The following RGL2 variants were observed in gnomAD, a reference collection of about 807,000 sequenced individuals.
RGL2 encodes the protein ral guanine nucleotide dissociation stimulator like 2.
In RGL2, 40 loss-of-function variants were observed where a neutral mutation model predicts 84.6. The observed-to-expected ratio is 0.47, with a 90% CI of 0.37 to 0.62. The LOEUF is 0.62. Ranked by LOEUF, RGL2 falls within the 20% of genes least tolerant of loss-of-function variation. RGL2 has a pLI of 0.00. For synonymous variants in RGL2, 369 were observed against 417.3 expected, an observed-to-expected ratio of 0.88 and a Z score of 1.41; for missense variants, 865 against 1,019.7, an observed-to-expected ratio of 0.85 and a Z score of 2.07.
chr6:33,301,590 G>T, upstream of RGL2: 9 of 558,012 alleles, frequency 1.6e-5, no homozygotes, highest in East Asian at 3.0e-5. Context: ...AAAAAAAAAA[G>T]AAAAATTATC....
rs1767423766 is a variant in RGL2 at position 33,291,883 on chromosome 6, G to A, written c.*219C>T. 1.7e-6 allele frequency: 1 copy of A among 605,426 alleles called. No individual in the cohort carries two copies. Among genetic ancestry groups the A allele is most frequent in the Non-Finnish European group, 2.9e-6 (1 of 340,938 alleles). The allele number at this position is 605,426 out of a possible 1,614,324, so 37.5% of individuals were successfully genotyped here. The stretch of plus-strand genomic sequence containing the variant: ...CTGTGTGCTGCACTCATGGAAGGTG[G>A]GAAGCTATACACAGGTATCCAACTT... On this transcript the variant is annotated 3_prime_UTR_variant, in exon 18 of 18. Transcript: ENST00000497454.
Position 33,293,746 on chromosome 6 carries a change from C to T in RGL2, c.1509-47G>A. On this transcript the variant is annotated intron_variant, in intron 13 of 17. Transcript: ENST00000497454. The surrounding 1 kb of genome is among the most constrained non-coding windows in gnomAD (Gnocchi z 7.0). ...CAGAGCTCAGGACATGACACCAATC[C>T]CCCACACCTGGCCAGAACCCTGGAG... The T allele has an allele frequency of 6.2e-7, 1 of 1,613,152 alleles. No individual in the cohort carries two copies. Among genetic ancestry groups the T allele is most frequent in the East Asian group, 2.2e-5 (1 of 44,874 alleles).
rs1768216460 is a variant in RGL2, at chr6:33,298,371, G to T, written c.156+84C>A. ...GCGAGAATAACTGAGGCAAGGAGGA[G>T]GAGATGTAGGGACCCAGAGACAAGA... On this transcript the variant is annotated intron_variant, in intron 2 of 17. Coordinates refer to ENST00000497454, the MANE Select transcript of RGL2 (RefSeq NM_004761.5). The surrounding 1 kb of genome is among the most constrained non-coding windows in gnomAD (Gnocchi z 4.8). 2 of 717,380 alleles carry T rather than the reference G, an allele frequency of 2.8e-6. No individual in the cohort carries two copies. Among genetic ancestry groups the T allele is most frequent in the Admixed American group, 3.2e-5 (1 of 30,828 alleles). 44.4% of individuals were successfully genotyped at this position (717,380 alleles called of 1,614,324 possible).
rs777188527 is a variant in RGL2, at chr6:33,293,168, A to G, written c.1855T>C (p.Ser619Pro). 6.2e-7 allele frequency: 1 copy of G among 1,606,712 alleles called. No homozygotes were observed. Among genetic ancestry groups the G allele is most frequent in the Non-Finnish European group, 8.5e-7 (1 of 1,176,730 alleles). ...CCCCCACTCAGCGGGGAGCCACAGG[A>G]GGCTGAGCGGCGGTGACCTCGAGAA... ...RPSRGHRRSA[S>P]CGSPLSGGAE... The change falls in exon 16 of 18, where the codon TCC becomes CCC. Residue 619 changes from serine to proline, a missense_variant. Ser to Pro is a moderately conservative substitution (Grantham distance 74). This residue lies in a region of RGL2 where 302 missense variants were observed against 327.9 expected (regional missense o/e 0.92). Transcript: ENST00000497454. This position sits in a 1 kb window ranked among gnomAD's most constrained non-coding sequence, Gnocchi z 7.0.
At position 33,298,661 on chromosome 6, in the gene RGL2, GAC is replaced by G; in HGVS notation, c.-41-12_-41-11del. On this transcript the variant is annotated splice_polypyrimidine_tract_variant and intron_variant, in intron 1 of 17. Transcript: ENST00000497454. The surrounding 1 kb of genome is among the most constrained non-coding windows in gnomAD (Gnocchi z 4.8). ...CGGGCCATGGGGGCGCCTGGGGAGA[GAC>G]GGGGTGGGGTGGGGGTGGAGAGTCA... The G allele has an allele frequency of 8.1e-7, 1 of 1,227,308 alleles. No homozygotes were observed. Among genetic ancestry groups the G allele is most frequent in the Non-Finnish European group, 1.1e-6 (1 of 920,034 alleles). 76.0% of individuals were successfully genotyped at this position (1,227,308 alleles called of 1,614,324 possible). A position where few individuals can be genotyped will look rare whatever the true frequency, so the allele number is the denominator to read the frequency against.
At chr6:33,292,979 C>T (rs1767563920) in intron 16 of RGL2, 37 bp downstream of exon 16, 61 of 1,613,048 alleles carry the variant, frequency 3.8e-5, no homozygotes, top group Non-Finnish European at 5.0e-5. Context: ...AACAAGACAC[C>T]ATCCTTCACC....
In RGL2 at chr6:33,295,406, C is replaced by T. The variant is rs1277712978; in HGVS notation, c.1037G>A (p.Arg346Gln). ...IRVAEECRLL[R>Q]NFSSVYAVVS... ...CACGGCATAAACTGAAGAGAAGTTTCGGAGCAGCCGGCACTCCTGTGGGGG... is the reference window on the plus strand; with the variant it reads ...CACGGCATAAACTGAAGAGAAGTTTTGGAGCAGCCGGCACTCCTGTGGGGG... Residue 346 changes from arginine to glutamine, a missense_variant, in exon 8 of 18, where the codon CGA becomes CAA. Around this residue, in one of 5 missense-constraint regions of RGL2, gnomAD observed 455 missense variants for 507.8 expected, o/e 0.90. Coordinates refer to ENST00000497454, the MANE Select transcript of RGL2 (RefSeq NM_004761.5). The surrounding 1 kb of genome is among the most constrained non-coding windows in gnomAD (Gnocchi z 7.2). The T allele has an allele frequency of 3.5e-5, 57 of 1,611,012 alleles. No homozygotes were observed. Among genetic ancestry groups the T allele is most frequent in the Non-Finnish European group, 4.5e-5 (53 of 1,179,332 alleles).
chr6:33,295,769 A>G lies in RGL2; in HGVS notation c.769-10T>C. The G allele has an allele frequency of 6.2e-7, 1 of 1,609,860 alleles. No individual in the cohort carries two copies. Among genetic ancestry groups the G allele is most frequent in the Non-Finnish European group, 8.5e-7 (1 of 1,177,356 alleles). ...AATTGAGAAAAAGTTCCTGCAGGGT[A>G]GAGGTCAGAGGTTAAAGTTCATAGT... On this transcript the variant is annotated splice_polypyrimidine_tract_variant and intron_variant, in intron 6 of 17. Coordinates refer to ENST00000497454, the MANE Select transcript of RGL2 (RefSeq NM_004761.5). This position sits in a 1 kb window ranked among gnomAD's most constrained non-coding sequence, Gnocchi z 7.2.
chr6:33,292,214 G>A lies in RGL2; in HGVS notation c.2222C>T (p.Pro741Leu). The A allele has an allele frequency of 6.2e-7, 1 of 1,614,224 alleles. No individual in the cohort carries two copies. The highest frequency in any genetic ancestry group is 8.5e-7 in the Non-Finnish European group (1 of 1,180,042). Residue 741 changes from proline (P) to leucine (L), a missense_variant, in exon 18 of 18, where the codon CCT becomes CTT. Coordinates refer to ENST00000497454, the MANE Select transcript of RGL2 (RefSeq NM_004761.5). ...GGCAGACGGGCCACTGGTGACGCCA[G>A]GTGTAGCAGTAGAGGACCTTCGCCG... ...RQRRRSSTAT[P>L]GVTSGPSASG... is the part of the protein sequence containing the mutation.
rs1562671927 is a variant in RGL2, at chr6:33,298,492, C to T, written c.119G>A (p.Gly40Asp). Residue 40 changes from glycine (G) to aspartate (D), a missense_variant, in exon 2 of 18, where the codon GGC (glycine) becomes GAC (aspartate). Gly to Asp is a moderately conservative substitution (Grantham distance 94). Coordinates refer to ENST00000497454, the MANE Select transcript of RGL2 (RefSeq NM_004761.5). The surrounding 1 kb of genome is among the most constrained non-coding windows in gnomAD (Gnocchi z 4.8). ...CTCCTCCTCTTCCTCCTGCCCCCCG[C>T]CCACGACCAGGCCACCTGGGCCCCC... is the stretch of plus-strand genomic sequence containing the variant. The part of the protein sequence containing the change: ...EGGGPGGLVV[G>D]GGQEEEEEEE... 6.6e-7 allele frequency: 1 copy of T among 1,525,548 alleles called. No individual in the cohort carries two copies. Among genetic ancestry groups the T allele is most frequent in the Non-Finnish European group, 8.8e-7 (1 of 1,130,568 alleles). 94.5% of individuals were successfully genotyped at this position (1,525,548 alleles called of 1,614,324 possible).
Position 33,295,265 on chromosome 6 carries a change from C to T in RGL2, c.1124+54G>A. 1 of 1,563,158 alleles carries T rather than the reference C, an allele frequency of 6.4e-7. No homozygotes were observed. The highest frequency in any genetic ancestry group is 8.7e-7 in the Non-Finnish European group (1 of 1,152,956). ...GACAGGCCTGGCTCTGTCACCCCCT[C>T]TTCCCCGCCTTCTGAGGAACCCCCA... On this transcript the variant is annotated intron_variant, in intron 8 of 17. Coordinates refer to ENST00000497454, the MANE Select transcript of RGL2 (RefSeq NM_004761.5). The surrounding 1 kb of genome is among the most constrained non-coding windows in gnomAD (Gnocchi z 7.2).
chr6:33,296,224 T>C lies in RGL2; in HGVS notation c.572A>G (p.Gln191Arg). The change falls in exon 6 of 18, where the codon CAG becomes CGG. Residue 191 changes from glutamine (Q) to arginine (R), a missense_variant. Gln to Arg is a conservative substitution (Grantham distance 43, BLOSUM62 1). Coordinates refer to ENST00000497454, the MANE Select transcript of RGL2 (RefSeq NM_004761.5). The surrounding 1 kb of genome is among the most constrained non-coding windows in gnomAD (Gnocchi z 5.0). The stretch of plus-strand genomic sequence containing the variant: ...ACCCTTCCCTGCTGCATACCCTGTC[T>C]GAAGTAAGAAGCTCTCAAGCCGGTC... ...QLDRLESFLLQTGYAAGKGVG... is the reference protein window; with the variant it reads ...QLDRLESFLLRTGYAAGKGVG... 1 of 1,613,924 alleles carries C rather than the reference T, an allele frequency of 6.2e-7. No homozygotes were observed. Among genetic ancestry groups the C allele is most frequent in the Admixed American group, 1.7e-5 (1 of 60,024 alleles).
Position 33,295,380 on chromosome 6 carries a change from C to G in RGL2, c.1063G>C (p.Val355Leu). ...LRNFSSVYAVVSALQSSPIHR... is the reference protein window; with the variant it reads ...LRNFSSVYAVLSALQSSPIHR... ...ATGGGGCTGGACTGCAGGGCTGACACCACGGCATAAACTGAAGAGAAGTTT... is the reference window on the plus strand; with the variant it reads ...ATGGGGCTGGACTGCAGGGCTGACAGCACGGCATAAACTGAAGAGAAGTTT... The change falls in exon 8 of 18, where the codon GTG becomes CTG. Residue 355 changes from valine to leucine, a missense_variant. Transcript: ENST00000497454. This position sits in a 1 kb window ranked among gnomAD's most constrained non-coding sequence, Gnocchi z 7.2. The G allele has an allele frequency of 6.2e-7, 1 of 1,607,018 alleles. No homozygotes were observed. The highest frequency in any genetic ancestry group is 8.5e-7 in the Non-Finnish European group (1 of 1,177,534).
rs1768216791 is a variant in RGL2 at position 33,298,375 on chromosome 6, A to G, written c.156+80T>C. On this transcript the variant is annotated intron_variant, in intron 2 of 17. Transcript: ENST00000497454. The surrounding 1 kb of genome is among the most constrained non-coding windows in gnomAD (Gnocchi z 4.8). ...GAATAACTGAGGCAAGGAGGAGGAG[A>G]TGTAGGGACCCAGAGACAAGAGAAA... The G allele has an allele frequency of 1.3e-6, 1 of 745,518 alleles. No homozygotes were observed. Among genetic ancestry groups the G allele is most frequent in the Non-Finnish European group, 2.1e-6 (1 of 466,630 alleles). The allele number at this position is 745,518 out of a possible 1,614,324, so 46.2% of individuals were successfully genotyped here.
In RGL2 at chr6:33,291,938, G is replaced by A; in HGVS notation, c.*164C>T. On this transcript the variant is annotated 3_prime_UTR_variant, in exon 18 of 18. Transcript: ENST00000497454. ...ATAAGACACCAGTTCCCACAGGGCT[G>A]GATTTCTCAGCTGTCTGGTAAACCA... is the stretch of plus-strand genomic sequence containing the variant. 1 of 720,040 alleles carries A rather than the reference G, an allele frequency of 1.4e-6. No individual in the cohort carries two copies. Among genetic ancestry groups the A allele is most frequent in the East Asian group, 2.7e-5 (1 of 37,168 alleles). The allele number at this position is 720,040 out of a possible 1,614,324, so 44.6% of individuals were successfully genotyped here.
In RGL2 at chr6:33,295,012, A is replaced by T; in HGVS notation, c.1243T>A (p.Ser415Thr). The change falls in exon 10 of 18, where the codon TCC becomes ACC. Residue 415 changes from serine (S) to threonine (T), a missense_variant. Around this residue, in one of 5 missense-constraint regions of RGL2, gnomAD observed 455 missense variants for 507.8 expected, o/e 0.90. Transcript: ENST00000497454. This position sits in a 1 kb window ranked among gnomAD's most constrained non-coding sequence, Gnocchi z 7.2. ...GAGCCAGACCTCGGGGCCTTCTTGG[A>T]GTGTGGCTCCAGAGGAGACTGCAGC... Reference protein sequence around the residue: ...VKLQSPLEPHSKKAPRSGSRG... With the variant: ...VKLQSPLEPHTKKAPRSGSRG... 6.3e-7 allele frequency: 1 copy of T among 1,584,326 alleles called. No homozygotes were observed. The highest frequency in any genetic ancestry group is 1.1e-5 in the South Asian group (1 of 87,048).
chr6:33,297,182 C>T lies in RGL2; in HGVS notation c.157-67G>A. On this transcript the variant is annotated intron_variant, in intron 2 of 17. Transcript: ENST00000497454. The surrounding 1 kb of genome is among the most constrained non-coding windows in gnomAD (Gnocchi z 4.0). ...CCCCCCATTGCCCTCAGCCTTCACC[C>T]CAGGCCCTGCTCCTCCCTCTGTACC... The T allele has an allele frequency of 8.1e-7, 1 of 1,232,296 alleles. No individual in the cohort carries two copies. The highest frequency in any genetic ancestry group is 1.1e-6 in the Non-Finnish European group (1 of 877,418). The allele number at this position is 1,232,296 out of a possible 1,614,324, so 76.3% of individuals were successfully genotyped here. A position where few individuals can be genotyped will look rare whatever the true frequency, so the allele number is the denominator to read the frequency against.
Position 33,295,880 on chromosome 6 carries a change from G to T in RGL2, c.769-121C>A. On this transcript the variant is annotated intron_variant, in intron 6 of 17. Transcript: ENST00000497454. The surrounding 1 kb of genome is among the most constrained non-coding windows in gnomAD (Gnocchi z 7.2). ...AGGGGCACAGGGTTTGAAGGGTAAC[G>T]ACCAAAGGGAAAAGGGGAGAATCAA... 1 of 1,440,818 alleles carries T rather than the reference G, an allele frequency of 6.9e-7. No individual in the cohort carries two copies. The highest frequency in any genetic ancestry group is 9.6e-7 in the Non-Finnish European group (1 of 1,046,880). 89.3% of individuals were successfully genotyped at this position (1,440,818 alleles called of 1,614,324 possible).
chr6:33,292,156 G>T lies in RGL2; in HGVS notation c.2280C>A (p.Gly760=). 6.2e-7 allele frequency: 1 copy of T among 1,614,190 alleles called. No individual in the cohort carries two copies. The highest frequency in any genetic ancestry group is 8.5e-7 in the Non-Finnish European group (1 of 1,180,044). The change falls in exon 18 of 18, where the codon GGC becomes GGA. Residue 760 remains glycine (G), a synonymous_variant. Coordinates refer to ENST00000497454, the MANE Select transcript of RGL2 (RefSeq NM_004761.5). ...SGTPPSEGGG[G]SFPRIKATGR... is the part of the protein sequence containing the mutation. Reference sequence around the variant, plus strand: ...CTGTGGCCTTGATCCTGGGAAAGGAGCCCCCTCCTCCCTCACTCGGAGGAG... The same window carrying T: ...CTGTGGCCTTGATCCTGGGAAAGGATCCCCCTCCTCCCTCACTCGGAGGAG...
Sources: allele counts gnomAD v4.1 joint callset, GRCh38; gene constraint gnomAD v4.1.1; regional missense constraint gnomAD v4.1.1; non-coding constraint Gnocchi (gnomAD v3.1); transcripts MANE v1.5; gene names NCBI Gene and HGNC (gene_info 2026-07-23, HGNC 2026-07-21).